Variants in CDKAL1 observed in about 807,000 individuals in gnomAD.
CDKAL1 encodes threonylcarbamoyladenosine tRNA methylthiotransferase.
In CDKAL1, 32 loss-of-function variants were observed where a neutral mutation model predicts 68.2. That is an observed-to-expected ratio of 0.47 (90% confidence interval 0.35 to 0.63). The LOEUF (loss-of-function observed/expected upper bound fraction) is 0.63, where lower values mean the gene tolerates loss of function less well. Ranked by LOEUF, CDKAL1 falls within the 30% of genes least tolerant of loss-of-function variation. The probability of loss-of-function intolerance (pLI) is 0.00; values close to 1 mark genes in which losing one functional copy is unlikely to be tolerated. For missense variants in CDKAL1, 606 were observed against 696.7 expected (o/e 0.87, Z 1.47); for synonymous variants, 234 against 244.3 (o/e 0.96, Z 0.39).
chr6:20,909,211 G>A (rs1293822640), intron 9 of CDKAL1, among the ~76,000 whole-genome samples: 1 of 144,866 alleles, frequency 6.9e-6, no homozygotes, highest in Non-Finnish European at 1.5e-5. Context: ...GTGTGTGTGT[G>A]TGTGTGTATT....
chr6:20,539,627 A>G lies in CDKAL1; in HGVS notation c.-6+4233A>G, dbSNP rs900863513. On this transcript the variant is annotated intron_variant, in intron 2 of 15. Coordinates refer to ENST00000274695, the MANE Select transcript of CDKAL1 (RefSeq NM_017774.3). The surrounding 1 kb of genome is among the most constrained non-coding windows in gnomAD (Gnocchi z 4.3). ...AAGAATAAGACTGTGAAATGAATGCATATCTAGTGGGTACGAAATAACAAA... is the reference window on the plus strand; with the variant it reads ...AAGAATAAGACTGTGAAATGAATGCGTATCTAGTGGGTACGAAATAACAAA... Among the ~76,000 whole-genome samples the G allele has an allele frequency of 3.9e-5, 6 of 152,160 alleles. No homozygotes were observed. The highest frequency in any genetic ancestry group is 8.8e-5 in the Non-Finnish European group (6 of 68,030).
intron 10 of CDKAL1, among the ~76,000 whole-genome samples, chr6:20,975,210 G>T (rs967724606): frequency 6.6e-6 from 1 of 152,154 alleles, no homozygotes; most frequent in Admixed American, 6.6e-5. Context: ...TGACTGACCA[G>T]TTAATCTCTG....
intron 8 of CDKAL1, among the ~76,000 whole-genome samples, chr6:20,820,375 G>C (rs1265404117): frequency 6.6e-6 from 1 of 152,064 alleles, no homozygotes; most frequent in African/African-American, 2.4e-5. Flanking sequence ...ACAGACATTA[G>C]CTTGTTTCTT....
chr6:20,561,522 A>G (rs1430206152), intron 4 of CDKAL1, among the ~76,000 whole-genome samples: 2 of 150,970 alleles, frequency 1.3e-5, no homozygotes, highest in Admixed American at 6.6e-5. Context: ...AAAACCAACT[A>G]CCACCATTTA....
At chr6:20,666,653 T>G (rs1446685854) in intron 5 of CDKAL1, among the ~76,000 whole-genome samples, 1 of 151,836 alleles carries the variant, frequency 6.6e-6, no homozygotes, top group Non-Finnish European at 1.5e-5. Context: ...GAGAAGCAAC[T>G]TGAGGGCTGA....
chr6:20,537,451 A>T (rs13199286), intron 2 of CDKAL1, among the ~76,000 whole-genome samples: 25,367 of 152,012 alleles, frequency 0.17, 2,534 homozygotes, highest in African/African-American at 0.28. Flanking sequence ...TACTAAAAAT[A>T]CAAAATTAGC....
chr6:20,635,334 A>C (rs1167018897), intron 4 of CDKAL1, among the ~76,000 whole-genome samples: 1 of 152,160 alleles, frequency 6.6e-6, no homozygotes, highest in Non-Finnish European at 1.5e-5. Context: ...TTCAGCTGTC[A>C]GGGAGCTCCT....
intron 11 of CDKAL1, among the ~76,000 whole-genome samples, chr6:21,031,849 G>A (rs1222108758): frequency 2.0e-5 from 3 of 152,250 alleles, no homozygotes; most frequent in Middle Eastern, 3.4e-3. Context: ...TCTTGAAGGT[G>A]TGGAGTCATC....
intron 12 of CDKAL1, among the ~76,000 whole-genome samples, chr6:21,103,976 G>A (rs1207921432): frequency 1.3e-5 from 2 of 152,178 alleles, no homozygotes; most frequent in Non-Finnish European, 2.9e-5. Flanking sequence ...GACAGGTTTT[G>A]TAGAGTAGTT....
intron 9 of CDKAL1, among the ~76,000 whole-genome samples, chr6:20,926,898 T>TAA (rs10687937): frequency 1.4e-5 from 2 of 147,342 alleles, no homozygotes; most frequent in Non-Finnish European, 3.0e-5. Flanking sequence ...TATATATATA[T>TAA]GTTTATGTAT....
intron 13 of CDKAL1, among the ~76,000 whole-genome samples, chr6:21,116,153 A>C (rs990276379): frequency 6.6e-6 from 1 of 152,210 alleles, no homozygotes; most frequent in Admixed American, 6.5e-5. Flanking sequence ...TATTCTAAAA[A>C]TTAAGCATGA....
intron 4 of CDKAL1, among the ~76,000 whole-genome samples, chr6:20,600,576 A>G (rs1220519582): frequency 6.6e-6 from 1 of 152,080 alleles, no homozygotes; most frequent in Middle Eastern, 3.4e-3. Flanking sequence ...AACAAACATG[A>G]GTTCTTGAAT....
intron 13 of CDKAL1, among the ~76,000 whole-genome samples, chr6:21,114,660 G>C (rs1774313380): frequency 6.6e-6 from 1 of 152,034 alleles, no homozygotes; most frequent in Non-Finnish European, 1.5e-5. Flanking sequence ...GATGGCTTAA[G>C]TCCAGGAGTT....
chr6:20,676,832 G>C (rs11961863), intron 5 of CDKAL1, among the ~76,000 whole-genome samples: 14,073 of 151,986 alleles, frequency 0.093, 2,097 homozygotes, highest in African/African-American at 0.32. Flanking sequence ...TGTAGCCTAG[G>C]AGCAATAGTC....
intron 13 of CDKAL1, among the ~76,000 whole-genome samples, chr6:21,148,844 C>T (rs1401012535): frequency 6.6e-6 from 1 of 152,048 alleles, no homozygotes; most frequent in Non-Finnish European, 1.5e-5. Context: ...AAAATAAGTA[C>T]ACATACTTTT....
At chr6:21,014,849 GCTGT>G (rs1410906114) in intron 11 of CDKAL1, among the ~76,000 whole-genome samples, 1 of 152,112 alleles carries the variant, frequency 6.6e-6, no homozygotes, top group Non-Finnish European at 1.5e-5. Context: ...AAGATTATCA[GCTGT>G]CTGTGTTGAG....
intron 11 of CDKAL1, among the ~76,000 whole-genome samples, chr6:21,044,532 C>T (rs1770114296): frequency 6.6e-6 from 1 of 152,134 alleles, no homozygotes; most frequent in Non-Finnish European, 1.5e-5. Context: ...TAGCCCAAAA[C>T]CCTTTCACAG....
At chr6:20,704,785 T>G (rs552363681) in intron 5 of CDKAL1, among the ~76,000 whole-genome samples, 1 of 152,330 alleles carries the variant, frequency 6.6e-6, no homozygotes, top group African/African-American at 2.4e-5. Context: ...CTTTGTGATT[T>G]ACTCTTTCAA....
At chr6:20,757,820 G>A (rs761615336) in intron 6 of CDKAL1, among the ~76,000 whole-genome samples, 4 of 152,092 alleles carry the variant, frequency 2.6e-5, no homozygotes, top group Non-Finnish European at 5.9e-5. Context: ...TTTTAAAGAA[G>A]AATCGACTTT....
Sources: allele counts gnomAD v4.1 joint callset (sites outside exome capture counted in the v4.1 genomes callset), GRCh38; gene constraint gnomAD v4.1.1; non-coding constraint Gnocchi (gnomAD v3.1); transcripts MANE v1.5; gene names NCBI Gene and HGNC (gene_info 2026-07-23, HGNC 2026-07-21).